Variants in TTC39A observed in about 807,000 individuals in gnomAD.
TTC39A encodes the protein tetratricopeptide repeat protein 39A.
A neutral mutation model predicts 82.3 loss-of-function variants in TTC39A; 46 were observed. The observed-to-expected ratio is 0.56, with a 90% confidence interval of 0.44 to 0.71. The LOEUF (loss-of-function observed/expected upper bound fraction) is 0.71. TTC39A is among the 30% of genes least tolerant of loss of function. The pLI, the probability that TTC39A is intolerant of heterozygous loss-of-function variation, is 0.00. For synonymous variants in TTC39A, 254 were observed against 275.2 expected, an observed-to-expected ratio of 0.92 and a Z score of 0.76; for missense variants, 543 against 712.9, an observed-to-expected ratio of 0.76 and a Z score of 2.71.
Position 51,294,342 on chromosome 1 carries a change from C to T in TTC39A, c.1266+49G>A. On this transcript the variant is annotated intron_variant, in intron 14 of 17. Transcript: ENST00000680483. The surrounding 1 kb of genome is among the most constrained non-coding windows in gnomAD (Gnocchi z 4.3). ...CCTGGCTGTGGCTCTCAGTGAATCCCCACAATCCTATACCCGGAGGGCAGC... is the reference window on the plus strand; with the variant it reads ...CCTGGCTGTGGCTCTCAGTGAATCCTCACAATCCTATACCCGGAGGGCAGC... The T allele has an allele frequency of 1.2e-6, 2 of 1,611,948 alleles. No individual in the cohort carries two copies. Among genetic ancestry groups the T allele is most frequent in the South Asian group, 2.2e-5 (2 of 91,026 alleles).
At chr1:51,311,123 G>A (rs1645066738) in intron 5 of TTC39A, 131 bp downstream of exon 5, 3 of 853,942 alleles carry the variant, frequency 3.5e-6, no homozygotes, top group Non-Finnish European at 3.5e-6. Flanking sequence ...GATGGGACAC[G>A]ATTGCTACAG....
In TTC39A at chr1:51,288,916, G is replaced by A. The variant is rs777095730; in HGVS notation, c.1533C>T (p.Asn511=). The A allele has an allele frequency of 3.7e-5, 59 of 1,611,520 alleles. No individual in the cohort carries two copies. Among genetic ancestry groups the A allele is most frequent in the Middle Eastern group, 3.3e-4 (2 of 6,078 alleles). ...GCAGCAGGGCCAGCTCCAGCAGGGC[G>A]TTTGGGATCAAGTAGTGGTCATATT... ...KIKYDHYLIP[N]ALLELALLLM... Residue 511 remains asparagine, a synonymous_variant, in exon 17 of 18, where the codon AAC becomes AAT. Coordinates refer to ENST00000680483, the MANE Select transcript of TTC39A (RefSeq NM_001297663.2). The surrounding 1 kb of genome is among the most constrained non-coding windows in gnomAD (Gnocchi z 4.8).
At chr1:51,330,920 T>G, upstream of TTC39A, 1 of 608,882 alleles carries the variant, frequency 1.6e-6, no homozygotes, top group Non-Finnish European at 3.0e-6. The surrounding 1 kb of genome is among the most constrained non-coding windows in gnomAD (Gnocchi z 4.5). Context: ...TCCTCCCGCA[T>G]TAATGGGGGC....
intron 11 of TTC39A, 93 bp from the exon 12 acceptor site, chr1:51,301,826 C>T (rs1644670726): frequency 5.9e-6 from 9 of 1,520,752 alleles, no homozygotes; most frequent in South Asian, 1.3e-5. Context: ...CAGACCGGGA[C>T]TCCTCCAGGG....
chr1:51,294,462 C>G lies in TTC39A; in HGVS notation c.1195G>C (p.Glu399Gln). The change falls in exon 14 of 18, where the codon GAG (glutamate) becomes CAG (glutamine). Residue 399 changes from glutamate (E) to glutamine (Q), a missense_variant. Coordinates refer to ENST00000680483, the MANE Select transcript of TTC39A (RefSeq NM_001297663.2). This position sits in a 1 kb window ranked among gnomAD's most constrained non-coding sequence, Gnocchi z 4.3. ...CGGGACTTCCGGATGGCAAACTTCTCTGTGGGTAGAGATTTCCCAGCAATC... is the reference window on the plus strand; with the variant it reads ...CGGGACTTCCGGATGGCAAACTTCTGTGTGGGTAGAGATTTCCCAGCAATC... ...LKIAGKSLPT[E>Q]KFAIRKSRRY... 1 of 1,614,014 alleles carries G rather than the reference C, an allele frequency of 6.2e-7. No homozygotes were observed. Among genetic ancestry groups the G allele is most frequent in the Non-Finnish European group, 8.5e-7 (1 of 1,179,886 alleles).
At chr1:51,338,642 T>C (rs1179805546) in intron 1 of TTC39A, among the ~76,000 whole-genome samples, 1 of 148,934 alleles carries the variant, frequency 6.7e-6, no homozygotes, top group Non-Finnish European at 1.5e-5. Context: ...CTTACTCTGT[T>C]GTCCAAGCTG....
chr1:51,331,998 G>A (rs555837859), upstream of TTC39A, among the ~76,000 whole-genome samples: 1 of 152,318 alleles, frequency 6.6e-6, no homozygotes, highest in Admixed American at 6.5e-5. Context: ...ATGTAAAGAG[G>A]ATGATGAGGC....
At chr1:51,292,774 G>A (rs543312439) in intron 14 of TTC39A, among the ~76,000 whole-genome samples, 5 of 152,010 alleles carry the variant, frequency 3.3e-5, no homozygotes, top group East Asian at 1.9e-4. Flanking sequence ...CCCTTCCCCC[G>A]AAATAAATAA....
intron 12 of TTC39A, chr1:51,299,788 G>C (rs1271235527): frequency 2.6e-5 from 4 of 152,330 alleles, no homozygotes; most frequent in Non-Finnish European, 5.9e-5. Flanking sequence ...CTACAGGAAG[G>C]CTTCGAGAGT....
Position 51,290,632 on chromosome 1 carries a change from G to T in TTC39A, c.1267-7C>A. 1.2e-6 allele frequency: 2 copies of T among 1,609,806 alleles called. No individual in the cohort carries two copies. The highest frequency in any genetic ancestry group is 1.7e-6 in the Non-Finnish European group (2 of 1,177,794). ...TCCAGATGTACATCATTTCCTGAAG[G>T]CAGGGGGGCAAGTCAGTCCTAGGTT... On this transcript the variant is annotated splice_polypyrimidine_tract_variant and splice_region_variant and intron_variant, in intron 14 of 17. Transcript: ENST00000680483.
At chr1:51,338,160 C>T (rs1557750959) in intron 1 of TTC39A, among the ~76,000 whole-genome samples, 1 of 152,186 alleles carries the variant, frequency 6.6e-6, no homozygotes, top group African/African-American at 2.4e-5. Flanking sequence ...AAAACCCTGA[C>T]ATCTATGCAT....
At chr1:51,311,906 T>C (rs976775197) in intron 4 of TTC39A, among the ~76,000 whole-genome samples, 5 of 152,242 alleles carry the variant, frequency 3.3e-5, no homozygotes, top group African/African-American at 4.8e-5. Flanking sequence ...TCTCAGCCAG[T>C]AGTGCTATCG....
At chr1:51,324,565 G>A (rs550938974) in intron 1 of TTC39A, among the ~76,000 whole-genome samples, 35 of 151,874 alleles carry the variant, frequency 2.3e-4, no homozygotes, top group South Asian at 4.2e-4. Flanking sequence ...TCTGTTGCCC[G>A]GGCTGGAGAC....
chr1:51,312,673 A>G, intron 3 of TTC39A, 139 bp downstream of exon 3: 1 of 1,288,902 alleles, frequency 7.8e-7, no homozygotes, highest in Non-Finnish European at 1.1e-6. Flanking sequence ...GCCAACAGGG[A>G]CAGCTCTTAG....
chr1:51,294,268 C>G lies in TTC39A; in HGVS notation c.1266+123G>C. 5.4e-6 allele frequency: 8 copies of G among 1,476,774 alleles called. No individual in the cohort carries two copies. The highest frequency in any genetic ancestry group is 7.3e-6 in the Non-Finnish European group (8 of 1,102,020). The allele number at this position is 1,476,774 out of a possible 1,614,324, so 91.5% of individuals were successfully genotyped here. ...CAGACTCCCAGGTGAATTGTGAAAC[C>G]CTCCCCAGGCCCCTGAGGCATGAAG... On this transcript the variant is annotated intron_variant, in intron 14 of 17. Coordinates refer to ENST00000680483, the MANE Select transcript of TTC39A (RefSeq NM_001297663.2). This position sits in a 1 kb window ranked among gnomAD's most constrained non-coding sequence, Gnocchi z 4.3.
intron 1 of TTC39A, chr1:51,322,274 C>T: frequency 6.2e-6 from 9 of 1,444,122 alleles, no homozygotes; most frequent in Non-Finnish European, 8.2e-6. Flanking sequence ...ACTCTAGAAT[C>T]CCTGACGTTG....
rs372121281 is a variant in TTC39A at position 51,326,663 on chromosome 1, G to A, written c.41+3774C>T. Among the ~76,000 whole-genome samples the A allele has an allele frequency of 7.9e-5, 12 of 152,310 alleles. No homozygotes were observed. The East Asian group carries it at 1.7e-3, about 22-fold the overall frequency. The stretch of plus-strand genomic sequence containing the variant: ...AGGGACAGGCAGTGAAGACAGGAAC[G>A]CAGTCAGGCTCCTCTCAGGAGCCTG... On this transcript the variant is annotated intron_variant, in intron 1 of 17. Transcript: ENST00000680483.
Position 51,303,255 on chromosome 1 carries a change from C to A in TTC39A, c.655-63G>T. ...GGCAGGGGCCTGGGAGGCAGCTGGA[C>A]AGCTGTGTGGGCAGTGCTGCCGGCA... On this transcript the variant is annotated intron_variant, in intron 8 of 17. Coordinates refer to ENST00000680483, the MANE Select transcript of TTC39A (RefSeq NM_001297663.2). 4 of 1,417,426 alleles carry A rather than the reference C, an allele frequency of 2.8e-6. No homozygotes were observed. The South Asian group carries it at 3.9e-5, about 14-fold the overall frequency. The allele number at this position is 1,417,426 out of a possible 1,614,324, so 87.8% of individuals were successfully genotyped here. A position where few individuals can be genotyped will look rare whatever the true frequency, so the allele number is the denominator to read the frequency against.
intron 5 of TTC39A, 57 bp downstream of exon 5, chr1:51,311,197 G>A: frequency 6.6e-7 from 1 of 1,507,012 alleles, no homozygotes; most frequent in Non-Finnish European, 9.0e-7. Flanking sequence ...GTCATGGTTG[G>A]ACGTGGAAAC....
Sources: allele counts gnomAD v4.1 joint callset (sites outside exome capture counted in the v4.1 genomes callset), GRCh38; gene constraint gnomAD v4.1.1; non-coding constraint Gnocchi (gnomAD v3.1); transcripts MANE v1.5; gene names NCBI Gene and HGNC (gene_info 2026-07-23, HGNC 2026-07-21).